Variants in RNF115 observed in about 807,000 individuals in gnomAD.
RNF115 encodes the protein E3 ubiquitin-protein ligase RNF115.
Under a neutral mutation model 39.2 loss-of-function variants are expected in RNF115, and 31 were observed. The ratio of observed to expected loss-of-function variants is 0.79; its 90% confidence interval spans 0.59 to 1.07. RNF115 has a LOEUF of 1.07. RNF115 is among the 50% of genes least tolerant of loss of function. The pLI is 0.00. For missense variants in RNF115, 384 were observed against 381.7 expected (o/e 1.01, Z -0.05); for synonymous variants, 124 against 131.0 (o/e 0.95, Z 0.37).
rs1553715817 is a variant in RNF115, at chr1:145,771,835, C to T, written c.304G>A (p.Ala102Thr). Residue 102 changes from alanine to threonine, a missense_variant, in exon 4 of 9, where the codon GCC becomes ACC. Transcript: ENST00000582693. Reference sequence around the variant, plus strand: ...TGAGTCTGGTGACCCCTTTCATTGGCTCTATTATCTTGGTCCAGTGGACTG... The same window carrying T: ...TGAGTCTGGTGACCCCTTTCATTGGTTCTATTATCTTGGTCCAGTGGACTG... Reference protein sequence around the residue: ...SSSPLDQDNRANERGHQTHTD... With the variant: ...SSSPLDQDNRTNERGHQTHTD... 3 of 1,613,994 alleles carry T rather than the reference C, an allele frequency of 1.9e-6. No homozygotes were observed. Among genetic ancestry groups the T allele is most frequent in the African/African-American group, 1.3e-5 (1 of 74,900 alleles).
intron 1 of RNF115, among the ~76,000 whole-genome samples, chr1:145,807,049 C>A (rs1553721683): frequency 6.6e-6 from 1 of 152,200 alleles, no homozygotes; most frequent in African/African-American, 2.4e-5. Flanking sequence ...AGCCCAAGTA[C>A]CTAGAACAGC....
intron 4 of RNF115, among the ~76,000 whole-genome samples, chr1:145,765,296 G>T (rs1158483468): frequency 1.3e-5 from 2 of 151,990 alleles, no homozygotes; most frequent in East Asian, 3.9e-4. Flanking sequence ...AGGCCGCAGG[G>T]CCCTCTGCCT....
chr1:145,798,824 C>T (rs183674924), intron 1 of RNF115, among the ~76,000 whole-genome samples: 1 of 152,048 alleles, frequency 6.6e-6, no homozygotes, highest in Non-Finnish European at 1.5e-5. Flanking sequence ...TATTTGTATG[C>T]TCTTTAATTC....
intron 4 of RNF115, among the ~76,000 whole-genome samples, chr1:145,771,121 G>C (rs1038293781): frequency 6.6e-6 from 1 of 152,156 alleles, no homozygotes; most frequent in Admixed American, 6.5e-5. Context: ...AAAAATTCAT[G>C]TGTTGGAAAC....
Position 145,823,961 on chromosome 1 carries a change from C to T in RNF115, c.-88G>A. ...TCCCGAGCTGCAGTCGTCGCCGCCG[C>T]CGCCGCCTCGGTGCGGCCCACCGCT... is the stretch of plus-strand genomic sequence containing the variant. On this transcript the variant is annotated 5_prime_UTR_variant, in exon 1 of 9. Coordinates refer to ENST00000582693, the MANE Select transcript of RNF115 (RefSeq NM_014455.4). 1.0e-6 allele frequency: 1 copy of T among 973,222 alleles called. No individual in the cohort carries two copies. Among genetic ancestry groups the T allele is most frequent in the Non-Finnish European group, 1.4e-6 (1 of 710,616 alleles). The allele number at this position is 973,222 out of a possible 1,614,324, so 60.3% of individuals were successfully genotyped here. A position where few individuals can be genotyped will look rare whatever the true frequency, so the allele number is the denominator to read the frequency against.
intron 2 of RNF115, among the ~76,000 whole-genome samples, chr1:145,786,536 TA>T (rs1260033761): frequency 6.6e-6 from 1 of 152,138 alleles, no homozygotes; most frequent in Non-Finnish European, 1.5e-5. Flanking sequence ...CAAAGACACA[TA>T]AAAGAATTAA....
rs1264965751 is a variant in RNF115, at chr1:145,742,666, G to A, written c.*4200C>T. Reference sequence around the variant, plus strand: ...CCTCCATTGTGAAATGTGCATACACGTGTTTGTCTGTGAATATATAAATAT... The same window carrying A: ...CCTCCATTGTGAAATGTGCATACACATGTTTGTCTGTGAATATATAAATAT... On this transcript the variant is annotated 3_prime_UTR_variant, in exon 9 of 9. Coordinates refer to ENST00000582693, the MANE Select transcript of RNF115 (RefSeq NM_014455.4). 2.0e-5 allele frequency: 3 copies of A among 152,136 alleles called. No homozygotes were observed. Among genetic ancestry groups the A allele is most frequent in the African/African-American group, 7.2e-5 (3 of 41,404 alleles). 9.4% of individuals were successfully genotyped at this position (152,136 alleles called of 1,614,324 possible). A position where few individuals can be genotyped will look rare whatever the true frequency, so the allele number is the denominator to read the frequency against.
Position 145,789,049 on chromosome 1 carries a change from T to C in RNF115, c.103-83A>G, listed in dbSNP as rs1045144454. 29 of 844,462 alleles carry C rather than the reference T, an allele frequency of 3.4e-5. No homozygotes were observed. The African/African-American group carries it at 4.2e-4, about 12-fold the overall frequency. The allele number at this position is 844,462 out of a possible 1,614,324, so 52.3% of individuals were successfully genotyped here. A position where few individuals can be genotyped will look rare whatever the true frequency, so the allele number is the denominator to read the frequency against. On this transcript the variant is annotated intron_variant, in intron 1 of 8. Transcript: ENST00000582693. Reference sequence around the variant, plus strand: ...TGTAGTTTCAGAATAACATGCAGTATACAAGCTGAGGCTCTGAAATGTTCT... The same window carrying C: ...TGTAGTTTCAGAATAACATGCAGTACACAAGCTGAGGCTCTGAAATGTTCT...
At chr1:145,747,848 G>T in intron 8 of RNF115, 147 bp downstream of exon 8, 2 of 609,250 alleles carry the variant, frequency 3.3e-6, no homozygotes, top group East Asian at 2.9e-5. Context: ...TGCAACCCTT[G>T]GTCAGAAAAG....
intron 1 of RNF115, among the ~76,000 whole-genome samples, chr1:145,804,436 C>T (rs1229313341): frequency 6.6e-6 from 1 of 151,874 alleles, no homozygotes; most frequent in Non-Finnish European, 1.5e-5. Context: ...GACTGGTAAT[C>T]ATTTCAACTA....
intron 1 of RNF115, among the ~76,000 whole-genome samples, chr1:145,809,422 CT>C (rs1553722155): frequency 2.0e-5 from 3 of 150,194 alleles, no homozygotes; most frequent in African/African-American, 7.4e-5. Flanking sequence ...CTCAGGTGAT[CT>C]GCCCGCTTCA....
chr1:145,815,647 G>C lies in RNF115; in HGVS notation c.102+8125C>G, dbSNP rs1355822268. Among the ~76,000 whole-genome samples, 4 of 151,602 alleles carry C rather than the reference G, an allele frequency of 2.6e-5. No individual in the cohort carries two copies. In the East Asian group the frequency reaches 7.7e-4, roughly 29 times the overall value. On this transcript the variant is annotated intron_variant, in intron 1 of 8. Coordinates refer to ENST00000582693, the MANE Select transcript of RNF115 (RefSeq NM_014455.4). ...ACTCCATTAGTCTTGGCTTCACATT[G>C]TCTCTCAATAAGATAGGTAAGGTAA... is the stretch of plus-strand genomic sequence containing the variant.
rs60402628 is a variant in RNF115, at chr1:145,760,108, C to A, written c.429-7059G>T. On this transcript the variant is annotated intron_variant, in intron 4 of 8. Transcript: ENST00000582693. ...ACTACTGTATGCCCAACATCTGGCA[C>A]ACAGTAATACACAATGTCTGCTGAA... Among the ~76,000 whole-genome samples the A allele has an allele frequency of 1.6e-3, 246 of 152,278 alleles. 1 individual carries two copies. The highest frequency in any genetic ancestry group is 5.6e-3 in the African/African-American group (231 of 41,548).
chr1:145,753,153 C>T (rs587598951), intron 4 of RNF115, 104 bp from the exon 5 acceptor site: 1 of 727,566 alleles, frequency 1.4e-6, no homozygotes, highest in East Asian at 2.6e-5. Context: ...ACCAAAATGG[C>T]TTTTCATTGG....
intron 3 of RNF115, among the ~76,000 whole-genome samples, chr1:145,775,822 C>A (rs1481980575): frequency 4.6e-5 from 7 of 151,742 alleles, no homozygotes; most frequent in African/African-American, 1.7e-4. Context: ...ATGGTGAAAC[C>A]TTGTCTCTAC....
Position 145,746,732 on chromosome 1 carries a change from C to A in RNF115, c.*134G>T. On this transcript the variant is annotated 3_prime_UTR_variant, in exon 9 of 9. Transcript: ENST00000582693. ...TAACTTTAAATTTAAAGAAGAAAAA[C>A]ATTCATTGCATTTATATTATGTGTT... 2 of 842,792 alleles carry A rather than the reference C, an allele frequency of 2.4e-6. No individual in the cohort carries two copies. The highest frequency in any genetic ancestry group is 2.2e-5 in the South Asian group (1 of 46,048). 52.2% of individuals were successfully genotyped at this position (842,792 alleles called of 1,614,324 possible).
intron 2 of RNF115, among the ~76,000 whole-genome samples, chr1:145,787,884 T>C (rs1023790424): frequency 1.3e-5 from 2 of 150,662 alleles, no homozygotes; most frequent in Non-Finnish European, 3.0e-5. Context: ...CAAGACTCTG[T>C]CTCAAAAAAA....
intron 1 of RNF115, among the ~76,000 whole-genome samples, chr1:145,792,535 T>C (rs1228059830): frequency 6.6e-6 from 1 of 151,952 alleles, no homozygotes; most frequent in African/African-American, 2.4e-5. Context: ...AAAAGATTAG[T>C]TTCTTGAGGA....
At chr1:145,790,436 G>A (rs1457741028) in intron 1 of RNF115, among the ~76,000 whole-genome samples, 1 of 149,992 alleles carries the variant, frequency 6.7e-6, no homozygotes, top group Non-Finnish European at 1.5e-5. Flanking sequence ...CACTGCGCCC[G>A]GCCTTTTTTT....
Sources: gnomAD v4.1 joint callset for allele counts (sites outside exome capture counted in the v4.1 genomes callset) on GRCh38, gnomAD v4.1.1 for gene constraint, MANE v1.5 for transcripts, NCBI Gene and HGNC (gene_info 2026-07-23, HGNC 2026-07-21) for gene names.